The following SETD5 variants were observed in gnomAD, a reference collection of about 807,000 sequenced individuals.
SETD5 encodes SET domain containing 5, also known as histone-lysine N-methyltransferase SETD5.
SETD5 carries 44 observed loss-of-function variants against 153.3 expected under a neutral mutation model. The ratio of observed to expected loss-of-function variants is 0.29; its 90% confidence interval spans 0.23 to 0.37. SETD5 has a LOEUF of 0.37. Ranked by LOEUF, SETD5 falls within the 10% of genes least tolerant of loss-of-function variation. SETD5 has a pLI of 1.00. For synonymous variants in SETD5, 716 were observed against 645.2 expected, an observed-to-expected ratio of 1.11 and a Z score of -1.66; for missense variants, 1,544 against 1,768.0, an observed-to-expected ratio of 0.87 and a Z score of 2.27.
At chr3:9,400,158 TCTC>T (rs1331643266) in intron 1 of SETD5, among the ~76,000 whole-genome samples, 2 of 152,210 alleles carry the variant, frequency 1.3e-5, no homozygotes, top group African/African-American at 4.8e-5. Flanking sequence ...TAATTCATAA[TCTC>T]CTACCCATTT....
intron 2 of SETD5, among the ~76,000 whole-genome samples, chr3:9,427,388 A>G (rs886368105): frequency 2.0e-5 from 3 of 152,144 alleles, no homozygotes; most frequent in Non-Finnish European, 2.9e-5. Context: ...CATCTCTACT[A>G]AAAGTACAAA....
At position 9,434,050 on chromosome 3, in the gene SETD5, C is replaced by T. The variant is rs2040278412; in HGVS notation, c.177+100C>T. On this transcript the variant is annotated intron_variant, in intron 4 of 22. Transcript: ENST00000402198. The surrounding 1 kb of genome is among the most constrained non-coding windows in gnomAD (Gnocchi z 5.6). ...CTTGAAATGTTTATATGCAGCATGA[C>T]GAAGTTGCCCCTTTTGCACTTCCCT... 5.0e-6 allele frequency: 8 copies of T among 1,607,488 alleles called. No individual in the cohort carries two copies. The highest frequency in any genetic ancestry group is 2.2e-5 in the South Asian group (2 of 89,952).
intron 1 of SETD5, among the ~76,000 whole-genome samples, chr3:9,400,557 A>G (rs752655230): frequency 3.9e-5 from 6 of 152,232 alleles, no homozygotes; most frequent in Non-Finnish European, 7.3e-5. Flanking sequence ...TAAACTCTAA[A>G]AAGGTGCCAT....
intron 1 of SETD5, chr3:9,423,109 T>C (rs1159109860): frequency 6.6e-6 from 1 of 152,222 alleles, no homozygotes; most frequent in Non-Finnish European, 1.5e-5. Flanking sequence ...GTTGGAATTG[T>C]TCATAAAACA....
rs765313596 is a variant in SETD5, at chr3:9,447,092, G to A, written c.1567G>A (p.Glu523Lys). The change falls in exon 14 of 23, where the codon GAA becomes AAA. Residue 523 changes from glutamate to lysine, a missense_variant. By Grantham distance (56) the Glu-to-Lys change is moderately conservative. Transcript: ENST00000402198. ...RKVEAIMHAF[E>K]NLEKRKKRRD... The stretch of plus-strand genomic sequence containing the variant: ...GGTAGAAGCCATCATGCATGCTTTT[G>A]AAAACTTAGAGAAAAGAAAGAAGCG... The A allele has an allele frequency of 6.2e-7, 1 of 1,612,462 alleles. No homozygotes were observed. Among genetic ancestry groups the A allele is most frequent in the Non-Finnish European group, 8.5e-7 (1 of 1,179,148 alleles).
Position 9,477,396 on chromosome 3 carries a change from A to C in SETD5, c.*1305A>C, listed in dbSNP as rs2045911037. The C allele has an allele frequency of 6.6e-6, 1 of 152,536 alleles. No individual in the cohort carries two copies. The highest frequency in any genetic ancestry group is 2.1e-4 in the South Asian group (1 of 4,826). The allele number at this position is 152,536 out of a possible 1,614,324, so 9.4% of individuals were successfully genotyped here. A position where few individuals can be genotyped will look rare whatever the true frequency, so the allele number is the denominator to read the frequency against. ...ATATCTGGCGTGTTTTTATTTATCT[A>C]ATTTTGTATTCAGTTATAACCATGG... On this transcript the variant is annotated 3_prime_UTR_variant, in exon 23 of 23. Transcript: ENST00000402198.
intron 1 of SETD5, among the ~76,000 whole-genome samples, chr3:9,416,860 T>G (rs2037546370): frequency 6.6e-6 from 1 of 152,282 alleles, no homozygotes; most frequent in Non-Finnish European, 1.5e-5. Context: ...TGGCCATGAA[T>G]TGATTGTTGA....
Position 9,445,370 on chromosome 3 carries a change from G to A in SETD5, c.1440+70G>A, listed in dbSNP as rs145213876. The A allele has an allele frequency of 1.4e-4, 216 of 1,532,112 alleles. 1 individual carries two copies. The highest frequency in any genetic ancestry group is 1.0e-3 in the Middle Eastern group (6 of 5,956). 94.9% of individuals were successfully genotyped at this position (1,532,112 alleles called of 1,614,324 possible). A position where few individuals can be genotyped will look rare whatever the true frequency, so the allele number is the denominator to read the frequency against. On this transcript the variant is annotated intron_variant, in intron 12 of 22. Transcript: ENST00000402198. ...CAAAGGAAGAGGAACCCGGGTTGCCGCATGGTTTAAGTAGGGGAGCTATAG... is the reference window on the plus strand; with the variant it reads ...CAAAGGAAGAGGAACCCGGGTTGCCACATGGTTTAAGTAGGGGAGCTATAG...
At chr3:9,443,183 C>G (rs1164830163) in intron 10 of SETD5, 125 bp from the exon 11 acceptor site, 3 of 715,854 alleles carry the variant, frequency 4.2e-6, no homozygotes, top group South Asian at 1.6e-5. Flanking sequence ...TAACAGATTA[C>G]CATAACTCCT....
In SETD5 at chr3:9,435,509, A is replaced by G. The variant is rs1032160450; in HGVS notation, c.389-219A>G. Among the ~76,000 whole-genome samples the G allele has an allele frequency of 3.7e-4, 56 of 152,240 alleles. 1 individual carries two copies. The highest frequency in any genetic ancestry group is 3.6e-3 in the Admixed American group (55 of 15,282). ...CTTAGGGACTGAATACAAGGGGAGA[A>G]ATAAATACCATGAGGAACAGGGTTT... On this transcript the variant is annotated intron_variant, in intron 6 of 22. Coordinates refer to ENST00000402198, the MANE Select transcript of SETD5 (RefSeq NM_001080517.3).
rs1490838129 is a variant in SETD5 at position 9,448,463 on chromosome 3, A to G, written c.2179A>G (p.Thr727Ala). 7.4e-6 allele frequency: 12 copies of G among 1,613,854 alleles called. No homozygotes were observed. Among genetic ancestry groups the G allele is most frequent in the South Asian group, 2.2e-5 (2 of 91,074 alleles). ...CPVECPLRITTDPTVLATTLN... is the reference protein window; with the variant it reads ...CPVECPLRITADPTVLATTLN... ...TGTTGAGTGCCCTTTACGTATCACAACGGATCCAACTGTACTGGCAACGAC... is the reference window on the plus strand; with the variant it reads ...TGTTGAGTGCCCTTTACGTATCACAGCGGATCCAACTGTACTGGCAACGAC... The change falls in exon 16 of 23, where the codon ACG becomes GCG. Residue 727 changes from threonine to alanine, a missense_variant. Thr to Ala is a moderately conservative substitution (Grantham distance 58, BLOSUM62 0). Coordinates refer to ENST00000402198, the MANE Select transcript of SETD5 (RefSeq NM_001080517.3).
intron 18 of SETD5, among the ~76,000 whole-genome samples, chr3:9,466,287 CAAAAA>C (rs146498301): frequency 1.6e-4 from 10 of 63,260 alleles, no homozygotes; most frequent in African/African-American, 3.5e-4. Flanking sequence ...GACTCCGTCT[CAAAAA>C]AAAAAAAAAA....
intron 12 of SETD5, 170 bp from the exon 13 acceptor site, chr3:9,445,487 T>C (rs534959152): frequency 2.2e-6 from 2 of 898,954 alleles, no homozygotes; most frequent in Non-Finnish European, 3.4e-6. Context: ...TTGCTGGTTT[T>C]GCACCAGAGA....
chr3:9,477,420 G>A lies in SETD5; in HGVS notation c.*1329G>A, dbSNP rs1473048656. ...TAATTTTGTATTCAGTTATAACCAT[G>A]GTAGGGGTAGTGAATATATGACAGG... On this transcript the variant is annotated 3_prime_UTR_variant, in exon 23 of 23. Transcript: ENST00000402198. 6.6e-6 allele frequency: 1 copy of A among 152,614 alleles called. No homozygotes were observed. Among genetic ancestry groups the A allele is most frequent in the East Asian group, 1.9e-4 (1 of 5,198 alleles). 9.5% of individuals were successfully genotyped at this position (152,614 alleles called of 1,614,324 possible). A position where few individuals can be genotyped will look rare whatever the true frequency, so the allele number is the denominator to read the frequency against.
intron 1 of SETD5, among the ~76,000 whole-genome samples, chr3:9,410,250 ATAAAG>A (rs1218562480): frequency 1.3e-5 from 2 of 152,214 alleles, no homozygotes; most frequent in Non-Finnish European, 2.9e-5. Context: ...AATGGAAAAG[ATAAAG>A]TAAACATACG....
At chr3:9,462,770 G>A (rs1355392728) in intron 17 of SETD5, among the ~76,000 whole-genome samples, 1 of 151,868 alleles carries the variant, frequency 6.6e-6, no homozygotes, top group East Asian at 1.9e-4. Context: ...AGATATATGG[G>A]AGCAAGAATA....
chr3:9,445,360 C>T (rs774637030), intron 12 of SETD5, 60 bp downstream of exon 12: 14 of 1,554,364 alleles, frequency 9.0e-6, no homozygotes, highest in Non-Finnish European at 1.1e-5. Flanking sequence ...GAAGAGGAAC[C>T]CGGGTTGCCG....
At chr3:9,473,601 A>G (rs1575618916) in intron 20 of SETD5, 64 bp downstream of exon 20, 3 of 1,482,276 alleles carry the variant, frequency 2.0e-6, no homozygotes, top group East Asian at 4.9e-5. Context: ...ATCTAAGATC[A>G]TTCCCAGTTT....
chr3:9,412,387 GTTTTTTTTTTTTTT>G (rs370566998), intron 1 of SETD5, among the ~76,000 whole-genome samples: 4 of 89,542 alleles, frequency 4.5e-5, no homozygotes, highest in Middle Eastern at 8.9e-3. Context: ...ACAGTTTTGG[GTTTTTTTTTTTTTT>G]TTTTTTTTTT....
Sources: gnomAD v4.1 joint callset for allele counts (sites outside exome capture counted in the v4.1 genomes callset) on GRCh38, gnomAD v4.1.1 for gene constraint, Gnocchi (gnomAD v3.1) non-coding constraint, MANE v1.5 for transcripts, NCBI Gene and HGNC (gene_info 2026-07-23, HGNC 2026-07-21) for gene names.